Variants in NXPE3 observed in about 807,000 individuals in gnomAD.
NXPE3 encodes the protein NXPE family member 3.
Under a neutral mutation model 46.1 loss-of-function variants are expected in NXPE3, and 26 were observed. The observed-to-expected ratio is 0.56, with a 90% CI of 0.41 to 0.78. NXPE3 has a LOEUF of 0.78. Among genes scored for constraint, NXPE3 ranks in the 30% least tolerant of loss-of-function variants. NXPE3 has a pLI of 0.00. For missense variants in NXPE3, 620 were observed against 686.0 expected, an observed-to-expected ratio of 0.90 and a Z score of 1.07; for synonymous variants, 272 against 257.9, an observed-to-expected ratio of 1.05 and a Z score of -0.52.
intron 7 of NXPE3, among the ~76,000 whole-genome samples, chr3:101,819,123 G>A (rs1358613337): frequency 6.6e-6 from 1 of 152,076 alleles, no homozygotes; most frequent in African/African-American, 2.4e-5. Context: ...CTCACTGAGG[G>A]CAAGGACTAT....
intron 6 of NXPE3, among the ~76,000 whole-genome samples, chr3:101,812,061 T>G (rs992657962): frequency 3.9e-5 from 6 of 152,122 alleles, no homozygotes; most frequent in African/African-American, 1.2e-4. Flanking sequence ...TTATCAACCT[T>G]CTAGTATACA....
intron 1 of NXPE3, among the ~76,000 whole-genome samples, chr3:101,780,417 G>A (rs1379872391): frequency 6.6e-6 from 1 of 152,186 alleles, no homozygotes; most frequent in East Asian, 1.9e-4. Flanking sequence ...CCTGGGAATT[G>A]GGTTGTCCTG....
intron 4 of NXPE3, among the ~76,000 whole-genome samples, chr3:101,789,065 G>A (rs886647750): frequency 3.3e-5 from 5 of 152,054 alleles, no homozygotes; most frequent in East Asian, 1.9e-4. Context: ...TGAAGAACCA[G>A]CTTTTGATTT....
At chr3:101,802,991 G>A (rs1941239041) in intron 5 of NXPE3, among the ~76,000 whole-genome samples, 1 of 152,206 alleles carries the variant, frequency 6.6e-6, no homozygotes, top group Non-Finnish European at 1.5e-5. Flanking sequence ...GCAGTGAGCT[G>A]TGATCACAAT....
intron 4 of NXPE3, among the ~76,000 whole-genome samples, chr3:101,786,109 A>G (rs1214681754): frequency 6.6e-6 from 1 of 152,164 alleles, no homozygotes; most frequent in African/African-American, 2.4e-5. Context: ...GAGTATTTCA[A>G]GGGAGGGAGT....
At chr3:101,806,699 C>T (rs1246602815) in intron 5 of NXPE3, among the ~76,000 whole-genome samples, 1 of 152,126 alleles carries the variant, frequency 6.6e-6, no homozygotes, top group Non-Finnish European at 1.5e-5. Context: ...TACTTGCAGC[C>T]TGAAAACTAA....
intron 4 of NXPE3, among the ~76,000 whole-genome samples, chr3:101,798,666 G>A (rs1051612265): frequency 1.1e-4 from 16 of 150,532 alleles, no homozygotes; most frequent in Admixed American, 1.1e-3. Context: ...AGGCTGGAGT[G>A]CAGTGGCACA....
intron 6 of NXPE3, among the ~76,000 whole-genome samples, chr3:101,808,851 A>ATATATATG (rs1211365592): frequency 7.4e-6 from 1 of 134,632 alleles, no homozygotes; most frequent in East Asian, 2.2e-4. Context: ...ATATATATAT[A>ATATATATG]TATATGAGAC....
chr3:101,808,203 AAATTC>A (rs1941515342), intron 6 of NXPE3, among the ~76,000 whole-genome samples: 1 of 152,212 alleles, frequency 6.6e-6, no homozygotes, highest in Non-Finnish European at 1.5e-5. Context: ...TAAAAGAACA[AAATTC>A]AGAGCAGTAA....
chr3:101,785,684 G>A lies in NXPE3; in HGVS notation c.88G>A (p.Val30Ile). ...GGTGCTGGTCATCAATGTTACTCAG[G>A]TAGAGGTGAGTACCCAGTATAATCC... ...VVVLVINVTQ[V>I]EYLDHETVSA... is the part of the protein sequence containing the mutation. Residue 30 changes from valine (V) to isoleucine (I), a missense_variant, in exon 4 of 8, where the codon GTA (valine) becomes ATA (isoleucine). Val to Ile is a conservative substitution (Grantham distance 29). This residue lies in a region of NXPE3 where 511 missense variants were observed against 528.6 expected (regional missense o/e 0.97). Coordinates refer to ENST00000273347, the MANE Select transcript of NXPE3 (RefSeq NM_145037.4). The A allele has an allele frequency of 6.2e-7, 1 of 1,611,482 alleles. No individual in the cohort carries two copies. Among genetic ancestry groups the A allele is most frequent in the South Asian group, 1.1e-5 (1 of 91,016 alleles).
chr3:101,822,168 G>A lies in NXPE3; in HGVS notation c.*214G>A. 186 of 505,640 alleles carry A rather than the reference G, an allele frequency of 3.7e-4. No homozygotes were observed. The highest frequency in any genetic ancestry group is 1.7e-3 in the South Asian group (51 of 30,144). 31.3% of individuals were successfully genotyped at this position (505,640 alleles called of 1,614,324 possible). A position where few individuals can be genotyped will look rare whatever the true frequency, so the allele number is the denominator to read the frequency against. On this transcript the variant is annotated 3_prime_UTR_variant, in exon 8 of 8. Coordinates refer to ENST00000273347, the MANE Select transcript of NXPE3 (RefSeq NM_145037.4). ...TTTATCCAATGTTGACTTAGCCATG[G>A]TAGAACTCTTAACTGCATCTACACA... is the stretch of plus-strand genomic sequence containing the variant.
Position 101,785,407 on chromosome 3 carries a change from C to A in NXPE3, c.-190C>A. The A allele has an allele frequency of 1.8e-6, 1 of 565,608 alleles. No individual in the cohort carries two copies. The highest frequency in any genetic ancestry group is 2.0e-5 in the South Asian group (1 of 49,830). 35.0% of individuals were successfully genotyped at this position (565,608 alleles called of 1,614,324 possible). A position where few individuals can be genotyped will look rare whatever the true frequency, so the allele number is the denominator to read the frequency against. On this transcript the variant is annotated 5_prime_UTR_variant, in exon 4 of 8. Transcript: ENST00000273347. The stretch of plus-strand genomic sequence containing the variant: ...CTCATCTCTCCTCTTTGAAGGATTT[C>A]TTTGAAGAAAAATGTGCTTCTTGAA...
chr3:101,818,715 T>TTATATATATATATA (rs61602305), intron 7 of NXPE3, among the ~76,000 whole-genome samples: 21 of 38,042 alleles, frequency 5.5e-4, no homozygotes, highest in African/African-American at 7.5e-4. Context: ...ATATGACAAT[T>TTATATATATATATA]TATATATATA....
Position 101,801,377 on chromosome 3 carries a change from A to G in NXPE3, c.236A>G (p.Asp79Gly), listed in dbSNP as rs754942190. 2.5e-6 allele frequency: 4 copies of G among 1,613,648 alleles called. No individual in the cohort carries two copies. The highest frequency in any genetic ancestry group is 2.2e-5 in the South Asian group (2 of 91,050). The change falls in exon 5 of 8, where the codon GAC (aspartate) becomes GGC (glycine). Residue 79 changes from aspartate (D) to glycine (G), a missense_variant. By Grantham distance (94) the Asp-to-Gly change is moderately conservative. This residue lies in a region of NXPE3 where 511 missense variants were observed against 528.6 expected (regional missense o/e 0.97). Transcript: ENST00000273347. ...TLSSQERMEEDSLLAALHRQV... is the reference protein window; with the variant it reads ...TLSSQERMEEGSLLAALHRQV... ...TCCAGCCAGGAGCGCATGGAGGAGG[A>G]CTCCTTGCTGGCTGCCTTGCACCGG...
chr3:101,785,669 A>C lies in NXPE3; in HGVS notation c.73A>C (p.Ile25Leu). Residue 25 changes from isoleucine to leucine, a missense_variant, in exon 4 of 8, where the codon ATC becomes CTC. Ile to Leu is a conservative substitution (Grantham distance 5). Transcript: ENST00000273347. ...AGTGTTGATGGTGGTGGTGCTGGTC[A>C]TCAATGTTACTCAGGTAGAGGTGAG... ...LAVLMVVVLV[I>L]NVTQVEYLDH... The C allele has an allele frequency of 6.2e-7, 1 of 1,613,246 alleles. No homozygotes were observed. Among genetic ancestry groups the C allele is most frequent in the Non-Finnish European group, 8.5e-7 (1 of 1,179,662 alleles).
chr3:101,816,124 A>G (rs1232175398), intron 6 of NXPE3, among the ~76,000 whole-genome samples: 1 of 152,198 alleles, frequency 6.6e-6, no homozygotes, highest in East Asian at 1.9e-4. Flanking sequence ...AGATTGTGCC[A>G]CTGCACTCCA....
At chr3:101,791,398 AT>A (rs1481413220) in intron 4 of NXPE3, among the ~76,000 whole-genome samples, 4 of 151,822 alleles carry the variant, frequency 2.6e-5, no homozygotes, top group African/African-American at 9.7e-5. Context: ...TTATTTATTT[AT>A]TTTTGGGTCA....
chr3:101,793,567 C>T (rs1940637415), intron 4 of NXPE3, among the ~76,000 whole-genome samples: 1 of 114,360 alleles, frequency 8.7e-6, no homozygotes, highest in Non-Finnish European at 1.9e-5. Context: ...TGTCCCACCT[C>T]TTCTCTATTC....
intron 7 of NXPE3, among the ~76,000 whole-genome samples, chr3:101,818,548 T>C (rs1942067683): frequency 6.6e-6 from 1 of 151,652 alleles, no homozygotes; most frequent in Non-Finnish European, 1.5e-5. Flanking sequence ...ATAAAGCCTG[T>C]GTCAGTGCTT....
Sources: gnomAD v4.1 joint callset for allele counts (sites outside exome capture counted in the v4.1 genomes callset) on GRCh38, gnomAD v4.1.1 for gene constraint, gnomAD v4.1.1 regional missense constraint, MANE v1.5 for transcripts, NCBI Gene and HGNC (gene_info 2026-07-23, HGNC 2026-07-21) for gene names.